Variants in PACRG observed in about 807,000 individuals in gnomAD.
The protein encoded by PACRG is parkin coregulated, also known as parkin coregulated gene protein.
PACRG carries 29 observed loss-of-function variants against 29.7 expected under a neutral mutation model. That is an observed-to-expected ratio of 0.98 (90% confidence interval 0.73 to 1.33). The LOEUF is 1.33. Ranked by LOEUF, PACRG falls within the 40% of genes most tolerant of loss-of-function variation. PACRG has a pLI of 0.00. For synonymous variants in PACRG, 116 were observed against 118.7 expected, an observed-to-expected ratio of 0.98 and a Z score of 0.15; for missense variants, 279 against 316.2, an observed-to-expected ratio of 0.88 and a Z score of 0.89.
At chr6:163,060,214 T>G (rs533786942) in intron 2 of PACRG, among the ~76,000 whole-genome samples, 1 of 152,178 alleles carries the variant, frequency 6.6e-6, no homozygotes, top group South Asian at 2.1e-4. Flanking sequence ...AAATACAAAA[T>G]TTAATTTTGT....
rs372467134 is a variant in PACRG at position 162,884,130 on chromosome 6, G to T, written c.291+69849G>T. Among the ~76,000 whole-genome samples the T allele has an allele frequency of 1.3e-4, 20 of 152,192 alleles. No homozygotes were observed. The East Asian group carries it at 3.7e-3, about 28-fold the overall frequency. ...CACCTGGCTAATTTTTGTAGAGATG[G>T]TGTTTCACCACGTTGCCCAGACTGT... On this transcript the variant is annotated intron_variant, in intron 2 of 4. Coordinates refer to ENST00000366888, the MANE Select transcript of PACRG (RefSeq NM_001080379.2).
At chr6:163,111,409 A>C (rs918707395) in intron 4 of PACRG, among the ~76,000 whole-genome samples, 1 of 152,228 alleles carries the variant, frequency 6.6e-6, no homozygotes, top group African/African-American at 2.4e-5. Flanking sequence ...TGTTTATGCC[A>C]CTTTTATGCA....
intron 1 of PACRG, among the ~76,000 whole-genome samples, chr6:162,750,039 T>G: frequency 6.6e-6 from 1 of 152,352 alleles, no homozygotes; most frequent in South Asian, 2.1e-4. Flanking sequence ...CATTGTTGAT[T>G]ACCCAATGTG....
chr6:162,958,866 TATATATATATATATATATAGAG>T (rs1387579428), intron 2 of PACRG, among the ~76,000 whole-genome samples: 6 of 71,478 alleles, frequency 8.4e-5, no homozygotes, highest in African/African-American at 1.2e-4. Context: ...TATATATATA[TATATATATATATATATATAGAG>T]AGAGAGAGAG....
At chr6:163,274,861 C>CTTTCT (rs1554238854) in intron 4 of PACRG, among the ~76,000 whole-genome samples, 2 of 126,326 alleles carry the variant, frequency 1.6e-5, no homozygotes, top group Admixed American at 8.5e-5. Context: ...TTCTTTCTTT[C>CTTTCT]TTTTTTTTTT....
At chr6:162,751,927 G>T (rs1189418797) in intron 1 of PACRG, among the ~76,000 whole-genome samples, 1 of 152,136 alleles carries the variant, frequency 6.6e-6, no homozygotes, top group Non-Finnish European at 1.5e-5. Context: ...GACATAAAAT[G>T]CCTTGGTCAC....
At chr6:162,855,613 A>C (rs2128433191) in intron 2 of PACRG, among the ~76,000 whole-genome samples, 1 of 152,288 alleles carries the variant, frequency 6.6e-6, no homozygotes, top group East Asian at 1.9e-4. Flanking sequence ...GAGATCAGAG[A>C]AGCAAATAGC....
At chr6:163,122,743 T>G (rs941569078) in intron 4 of PACRG, among the ~76,000 whole-genome samples, 13 of 152,098 alleles carry the variant, frequency 8.5e-5, no homozygotes, top group African/African-American at 3.1e-4. Flanking sequence ...GCAACACAAG[T>G]GGACTAAGAC....
intron 1 of PACRG, among the ~76,000 whole-genome samples, chr6:162,783,292 G>A (rs1490452674): frequency 6.6e-6 from 1 of 151,816 alleles, no homozygotes; most frequent in East Asian, 1.9e-4. Flanking sequence ...TTCTAAAATA[G>A]CACCATCTCA....
At chr6:163,198,255 C>G (rs1246916471) in intron 4 of PACRG, among the ~76,000 whole-genome samples, 1 of 152,166 alleles carries the variant, frequency 6.6e-6, no homozygotes, top group Non-Finnish European at 1.5e-5. Flanking sequence ...AATTTTACTT[C>G]TCTTTTCTTG....
chr6:162,904,160 A>T (rs1006251737), intron 2 of PACRG, among the ~76,000 whole-genome samples: 26 of 152,186 alleles, frequency 1.7e-4, no homozygotes, highest in Non-Finnish European at 2.9e-5. Flanking sequence ...CAGCCAGATG[A>T]GGCTATATAG....
intron 4 of PACRG, among the ~76,000 whole-genome samples, chr6:163,256,315 G>A (rs1217342530): frequency 2.6e-5 from 4 of 152,258 alleles, no homozygotes; most frequent in South Asian, 2.1e-4. Flanking sequence ...CACCACGTGC[G>A]GGGCACTATT....
chr6:163,179,425 C>T lies in PACRG; in HGVS notation c.613+90017C>T, dbSNP rs560888664. 6.7e-5 allele frequency: 20 copies of T among 300,648 alleles called. 1 individual carries two copies. The East Asian group carries it at 1.4e-3, about 21-fold the overall frequency. The allele number at this position is 300,648 out of a possible 1,614,324, so 18.6% of individuals were successfully genotyped here. A position where few individuals can be genotyped will look rare whatever the true frequency, so the allele number is the denominator to read the frequency against. The stretch of plus-strand genomic sequence containing the variant: ...AAAAAAAAAAAAACTTCTGGCAAAT[C>T]GTGGTGGCTCACGCTTGTAATCCCA... On this transcript the variant is annotated intron_variant, in intron 4 of 4. Transcript: ENST00000366888.
At chr6:162,969,505 A>G (rs1383856041) in intron 2 of PACRG, among the ~76,000 whole-genome samples, 8 of 151,972 alleles carry the variant, frequency 5.3e-5, no homozygotes, top group Non-Finnish European at 1.0e-4. Flanking sequence ...CATAGCCACA[A>G]GAAGCAAAAG....
intron 2 of PACRG, among the ~76,000 whole-genome samples, chr6:162,919,919 A>G (rs528749018): frequency 5.9e-5 from 9 of 152,192 alleles, no homozygotes; most frequent in Non-Finnish European, 1.0e-4. Context: ...TTTTATTAAA[A>G]TAATCTGTGA....
chr6:162,979,594 T>G (rs149904712), intron 2 of PACRG, among the ~76,000 whole-genome samples: 41 of 152,284 alleles, frequency 2.7e-4, no homozygotes, highest in African/African-American at 9.4e-4. Context: ...CAAAAAATCC[T>G]TGTCCAGACT....
At chr6:162,852,122 C>T (rs1790962764) in intron 2 of PACRG, among the ~76,000 whole-genome samples, 1 of 152,200 alleles carries the variant, frequency 6.6e-6, no homozygotes. Context: ...TGTTAACCAG[C>T]AGGCTTGTCC....
At chr6:162,855,507 A>T (rs758220707) in intron 2 of PACRG, among the ~76,000 whole-genome samples, 14 of 152,194 alleles carry the variant, frequency 9.2e-5, no homozygotes, top group Non-Finnish European at 1.6e-4. Flanking sequence ...CTAAGAAAAA[A>T]AAATGGAGAA....
chr6:163,311,464 C>T (rs564362624), intron 4 of PACRG, among the ~76,000 whole-genome samples: 3 of 152,084 alleles, frequency 2.0e-5, no homozygotes, highest in South Asian at 2.1e-4. Context: ...TTTCACGTGT[C>T]GCATGTATTT....
Sources: allele counts gnomAD v4.1 joint callset (sites outside exome capture counted in the v4.1 genomes callset), GRCh38; gene constraint gnomAD v4.1.1; transcripts MANE v1.5; gene names NCBI Gene and HGNC (gene_info 2026-07-23, HGNC 2026-07-21).